Variants in RABGAP1L observed in about 807,000 individuals in gnomAD.
The protein encoded by RABGAP1L is rab GTPase-activating protein 1-like.
A neutral mutation model predicts 137.7 loss-of-function variants in RABGAP1L; 63 were observed. The observed-to-expected ratio is 0.46, with a 90% CI of 0.37 to 0.56. RABGAP1L has a LOEUF of 0.56. Among genes scored for constraint, RABGAP1L ranks in the 20% least tolerant of loss-of-function variants. The pLI, the probability that RABGAP1L is intolerant of heterozygous loss-of-function variation, is 0.00. For synonymous variants in RABGAP1L, 431 were observed against 433.7 expected, an observed-to-expected ratio of 0.99 and a Z score of 0.08; for missense variants, 1,095 against 1,244.0, an observed-to-expected ratio of 0.88 and a Z score of 1.80.
chr1:174,907,928 T>G (rs1659385562), intron 19 of RABGAP1L, among the ~76,000 whole-genome samples: 1 of 152,132 alleles, frequency 6.6e-6, no homozygotes, highest in Non-Finnish European at 1.5e-5. Context: ...AGAAACCCAT[T>G]TCACCTATCA....
chr1:174,353,669 CTG>C (rs547613013), intron 11 of RABGAP1L, among the ~76,000 whole-genome samples: 48 of 152,260 alleles, frequency 3.2e-4, no homozygotes, highest in African/African-American at 1.1e-3. Context: ...GAATTTTGTC[CTG>C]TGTTACTTTC....
intron 20 of RABGAP1L, among the ~76,000 whole-genome samples, chr1:174,968,268 C>A (rs1365129884): frequency 6.6e-6 from 1 of 152,164 alleles, no homozygotes; most frequent in African/African-American, 2.4e-5. Flanking sequence ...GCCACCTTTG[C>A]AGAAAACACT....
intron 13 of RABGAP1L, among the ~76,000 whole-genome samples, chr1:174,461,661 C>G (rs1656706505): frequency 6.6e-6 from 1 of 152,164 alleles, no homozygotes; most frequent in Admixed American, 6.5e-5. Context: ...TCACCTCCAG[C>G]TCACTTGAGG....
At chr1:174,957,985 C>T in intron 20 of RABGAP1L, 1 of 1,565,626 alleles carries the variant, frequency 6.4e-7, no homozygotes, top group South Asian at 1.2e-5. Flanking sequence ...AAGTGGCTTT[C>T]TACTTTCAAA....
chr1:174,359,608 C>G (rs1301886965), intron 11 of RABGAP1L, among the ~76,000 whole-genome samples: 2 of 152,224 alleles, frequency 1.3e-5, no homozygotes, highest in Non-Finnish European at 2.9e-5. Context: ...GATATTGGCA[C>G]TTGGCACACA....
At chr1:174,500,225 G>T (rs139346225) in intron 13 of RABGAP1L, among the ~76,000 whole-genome samples, 2 of 151,942 alleles carry the variant, frequency 1.3e-5, no homozygotes, top group Admixed American at 6.6e-5. Context: ...GATTACAGGC[G>T]CACACCACTA....
At position 174,185,035 on chromosome 1, in the gene RABGAP1L, C is replaced by T. The variant is rs558577737; in HGVS notation, c.-34+25378C>T. On this transcript the variant is annotated intron_variant, in intron 1 of 25. Transcript: ENST00000681986. ...CAGTTGTGGTGGCAACCCTTCCCTG[C>T]CTAACTTGTTGTTTGCTCTATAGGG... Among the ~76,000 whole-genome samples the T allele has an allele frequency of 1.8e-3, 269 of 152,288 alleles. 2 individuals carry two copies. The highest frequency in any genetic ancestry group is 6.2e-3 in the African/African-American group (256 of 41,564).
rs143985247 is a variant in RABGAP1L, at chr1:174,932,735, A to C, written c.2341-24722A>C. On this transcript the variant is annotated intron_variant, in intron 19 of 25. Coordinates refer to ENST00000681986, the MANE Select transcript of RABGAP1L (RefSeq NM_001366446.1). Reference sequence around the variant, plus strand: ...TAGAATCATGATTTCCTGTTTATTCAGTATTATATCTTATTCTACCATTAT... The same window carrying C: ...TAGAATCATGATTTCCTGTTTATTCCGTATTATATCTTATTCTACCATTAT... Among the ~76,000 whole-genome samples, 218 of 152,278 alleles carry C rather than the reference A, an allele frequency of 1.4e-3. 1 individual carries two copies. The highest frequency in any genetic ancestry group is 5.0e-3 in the African/African-American group (209 of 41,562).
rs148883628 is a variant in RABGAP1L, at chr1:174,300,022, T to C, written c.1324-4964T>C. 2.2e-4 allele frequency among the ~76,000 whole-genome samples: 34 copies of C among 152,356 alleles called. 1 individual carries two copies. Among genetic ancestry groups the C allele is most frequent in the African/African-American group, 7.9e-4 (33 of 41,586 alleles). On this transcript the variant is annotated intron_variant, in intron 10 of 25. Transcript: ENST00000681986. ...GGTTATTTCTGTGGTTTATGATAAC[T>C]TAACATTGATTATGGTTGACAGCAT...
intron 19 of RABGAP1L, among the ~76,000 whole-genome samples, chr1:174,859,875 T>G (rs893180700): frequency 2.0e-5 from 3 of 152,006 alleles, no homozygotes; most frequent in Non-Finnish European, 4.4e-5. Context: ...AATAACAATT[T>G]TTATATAGCA....
chr1:174,809,073 C>T (rs371793985), intron 18 of RABGAP1L, among the ~76,000 whole-genome samples: 5 of 152,130 alleles, frequency 3.3e-5, no homozygotes, highest in African/African-American at 1.2e-4. Context: ...CCTTTGCAAC[C>T]CTGAGTACCT....
At chr1:174,569,425 G>A (rs1006249326) in intron 13 of RABGAP1L, among the ~76,000 whole-genome samples, 17 of 152,168 alleles carry the variant, frequency 1.1e-4, no homozygotes, top group African/African-American at 4.1e-4. Context: ...GTAAAGCAGG[G>A]AGGGAGCTGG....
intron 19 of RABGAP1L, among the ~76,000 whole-genome samples, chr1:174,915,992 C>T (rs6691857): frequency 0.024 from 3,599 of 151,340 alleles, 60 homozygotes; most frequent in Middle Eastern, 0.082. Context: ...TAATCCAAGA[C>T]TGCAAAGACT....
intron 14 of RABGAP1L, among the ~76,000 whole-genome samples, chr1:174,649,044 A>AT (rs1201014927): frequency 6.6e-6 from 1 of 150,996 alleles, no homozygotes; most frequent in Non-Finnish European, 1.5e-5. Context: ...TTTGCTTTCC[A>AT]TTTGCTTGGT....
intron 10 of RABGAP1L, among the ~76,000 whole-genome samples, chr1:174,283,420 T>TA (rs905957902): frequency 5.3e-5 from 8 of 150,744 alleles, no homozygotes; most frequent in Admixed American, 1.3e-4. Context: ...AAAATAATAA[T>TA]AAAAAAAAGA....
chr1:174,209,173 A>G (rs1668699536), intron 1 of RABGAP1L, among the ~76,000 whole-genome samples: 1 of 152,188 alleles, frequency 6.6e-6, no homozygotes, highest in African/African-American at 2.4e-5. Flanking sequence ...TCAGGCAATA[A>G]TAATACTCGC....
At chr1:174,503,024 A>T (rs1377321898) in intron 13 of RABGAP1L, among the ~76,000 whole-genome samples, 2 of 152,182 alleles carry the variant, frequency 1.3e-5, no homozygotes, top group African/African-American at 4.8e-5. Flanking sequence ...GTGCATACAT[A>T]CATATGTGAG....
chr1:174,929,246 G>A (rs1285860310), intron 19 of RABGAP1L, among the ~76,000 whole-genome samples: 1 of 152,042 alleles, frequency 6.6e-6, no homozygotes, highest in African/African-American at 2.4e-5. Context: ...CTGTTTATTG[G>A]GGTTTTAACA....
intron 11 of RABGAP1L, among the ~76,000 whole-genome samples, chr1:174,321,876 A>G (rs1451041991): frequency 1.3e-5 from 2 of 152,164 alleles, no homozygotes; most frequent in Non-Finnish European, 2.9e-5. Flanking sequence ...TCATGTGATT[A>G]TTTACCATTT....
Sources: gnomAD v4.1 joint callset for allele counts (sites outside exome capture counted in the v4.1 genomes callset) on GRCh38, gnomAD v4.1.1 for gene constraint, MANE v1.5 for transcripts, NCBI Gene and HGNC (gene_info 2026-07-23, HGNC 2026-07-21) for gene names.